The following SPATA6 variants were observed in gnomAD, a reference collection of about 807,000 sequenced individuals.
SPATA6 encodes spermatogenesis-associated protein 6.
Under a neutral mutation model 65.3 loss-of-function variants are expected in SPATA6, and 56 were observed. The observed-to-expected ratio is 0.86, with a 90% confidence interval of 0.69 to 1.07. The LOEUF (loss-of-function observed/expected upper bound fraction) is 1.07, where lower values mean the gene tolerates loss of function less well. Ranked by LOEUF, SPATA6 falls within the 50% of genes least tolerant of loss-of-function variation. SPATA6 has a pLI of 0.00. For synonymous variants in SPATA6, 199 were observed against 213.2 expected, an observed-to-expected ratio of 0.93 and a Z score of 0.58; for missense variants, 590 against 594.8, an observed-to-expected ratio of 0.99 and a Z score of 0.08.
chr1:48,262,169 A>T, the SPATA6 span: 2 of 152,170 alleles, frequency 1.3e-5, no homozygotes, highest in African/African-American at 4.8e-5. Flanking sequence ...TTTAGGAAGA[A>T]GACTGAAGTG....
the SPATA6 span, among the ~76,000 whole-genome samples, chr1:48,278,869 C>G: frequency 6.6e-6 from 1 of 152,132 alleles, no homozygotes; most frequent in Non-Finnish European, 1.5e-5. Context: ...AACTCCAAGA[C>G]ACATAATTGT....
At chr1:48,349,060 G>A (rs1189242643) in intron 11 of SPATA6, among the ~76,000 whole-genome samples, 1 of 151,864 alleles carries the variant, frequency 6.6e-6, no homozygotes, top group Admixed American at 6.6e-5. Context: ...TTTACTATAA[G>A]AGCTAAGAAT....
chr1:48,317,577 A>C (rs1332793713), intron 11 of SPATA6, among the ~76,000 whole-genome samples: 1 of 152,182 alleles, frequency 6.6e-6, no homozygotes, highest in Non-Finnish European at 1.5e-5. Context: ...ACCTAATGTT[A>C]AATGATGAGT....
chr1:48,462,132 G>A (rs1429676743), intron 1 of SPATA6, among the ~76,000 whole-genome samples: 1 of 151,900 alleles, frequency 6.6e-6, no homozygotes, highest in Admixed American at 6.6e-5. Context: ...CTCATAGATG[G>A]GAATTGAACA....
At chr1:48,272,318 T>C in the SPATA6 span, among the ~76,000 whole-genome samples, 2 of 152,134 alleles carry the variant, frequency 1.3e-5, no homozygotes, top group South Asian at 4.1e-4. Context: ...GCTGAAACTT[T>C]GTACCCTTTG....
At chr1:48,386,968 C>T (rs983155487) in intron 8 of SPATA6, among the ~76,000 whole-genome samples, 9 of 152,212 alleles carry the variant, frequency 5.9e-5, no homozygotes, top group Non-Finnish European at 1.3e-4. Flanking sequence ...CATTTTTACA[C>T]TGCCGATAAA....
At chr1:48,396,204 C>T (rs1650570782) in intron 7 of SPATA6, among the ~76,000 whole-genome samples, 1 of 151,636 alleles carries the variant, frequency 6.6e-6, no homozygotes, top group South Asian at 2.1e-4. Flanking sequence ...TAGTGACGTA[C>T]CCATTAGGAT....
chr1:48,460,902 T>A (rs1246649448), intron 1 of SPATA6, among the ~76,000 whole-genome samples: 1 of 151,750 alleles, frequency 6.6e-6, no homozygotes, highest in African/African-American at 2.4e-5. Context: ...GTTTTTTTTT[T>A]AATGTTAAAA....
intron 1 of SPATA6, among the ~76,000 whole-genome samples, chr1:48,458,816 A>AT (rs1657198586): frequency 1.3e-5 from 2 of 152,116 alleles, no homozygotes; most frequent in Admixed American, 1.3e-4. Flanking sequence ...CAGATACAGG[A>AT]TTTTTTTATA....
At chr1:48,276,998 A>ATC in the SPATA6 span, among the ~76,000 whole-genome samples, 16 of 148,904 alleles carry the variant, frequency 1.1e-4, no homozygotes, top group Middle Eastern at 0.011. Flanking sequence ...TCCTTTATGA[A>ATC]TCTCGGTGCT....
intron 3 of SPATA6, among the ~76,000 whole-genome samples, chr1:48,444,303 T>TGCACCAATCAGCACTCTGTAAAAAC (rs1164278553): frequency 6.6e-6 from 1 of 151,246 alleles, no homozygotes; most frequent in Non-Finnish European, 1.5e-5. Context: ...GGATTGTGAA[T>TGCACCAATCAGCACTCTGTAAAAAC]GCACCAATCA....
intron 5 of SPATA6, among the ~76,000 whole-genome samples, chr1:48,408,156 TC>T (rs1651879538): frequency 6.6e-6 from 1 of 152,240 alleles, no homozygotes. Context: ...ATATCATAAA[TC>T]TATAGGAGAA....
intron 5 of SPATA6, 119 bp from the exon 6 acceptor site, chr1:48,404,001 G>T: frequency 3.0e-6 from 2 of 663,432 alleles, no homozygotes; most frequent in Non-Finnish European, 2.5e-6. Context: ...TTCACTGTTA[G>T]TTTGAACTTT....
At chr1:48,335,460 G>C (rs1462028662) in intron 11 of SPATA6, among the ~76,000 whole-genome samples, 1 of 151,920 alleles carries the variant, frequency 6.6e-6, no homozygotes, top group Admixed American at 6.6e-5. Flanking sequence ...CAATAGAACA[G>C]AAGAGAGAGC....
rs1053790098 is a variant in SPATA6, at chr1:48,438,142, C to T, written c.238+13410G>A. On this transcript the variant is annotated intron_variant, in intron 3 of 12. Transcript: ENST00000371847. Reference sequence around the variant, plus strand: ...CTCTTCACAATAAATCTTGCTGCTGCTCACTCTTTGGGTCCATGCCACCTT... The same window carrying T: ...CTCTTCACAATAAATCTTGCTGCTGTTCACTCTTTGGGTCCATGCCACCTT... 2.0e-5 allele frequency among the ~76,000 whole-genome samples: 3 copies of T among 152,126 alleles called. No individual in the cohort carries two copies. In the South Asian group the frequency reaches 6.2e-4, roughly 32 times the overall value.
At chr1:48,305,542 G>GT (rs944523192) in intron 12 of SPATA6, among the ~76,000 whole-genome samples, 1 of 152,030 alleles carries the variant, frequency 6.6e-6, no homozygotes, top group Non-Finnish European at 1.5e-5. Context: ...TACACATTCT[G>GT]AAGTATGTGA....
chr1:48,471,960 A>T lies in SPATA6; in HGVS notation c.49T>A (p.Ser17Thr), dbSNP rs770359337. The T allele has an allele frequency of 6.2e-7, 1 of 1,607,092 alleles. No individual in the cohort carries two copies. The highest frequency in any genetic ancestry group is 8.5e-7 in the Non-Finnish European group (1 of 1,177,958). ...TGGGAGGCGCTACCGGTACTCACTG[A>T]GCTGATCTCCAGCGCCAGGGCGCAC... The part of the protein sequence containing the change: ...LQCALALEIS[S>T]VTCPGVVLKD... The change falls in exon 1 of 13, where the codon TCA (serine) becomes ACA (threonine). Residue 17 changes from serine (S) to threonine (T), a missense_variant and splice_region_variant. Transcript: ENST00000371847.
chr1:48,436,444 T>C, intron 3 of SPATA6: 1 of 1,607,740 alleles, frequency 6.2e-7, no homozygotes, highest in Non-Finnish European at 8.5e-7. Context: ...GAGTGAAACT[T>C]TAATAAGAAA....
chr1:48,341,495 G>A (rs1346506129), intron 11 of SPATA6, among the ~76,000 whole-genome samples: 4 of 152,116 alleles, frequency 2.6e-5, no homozygotes, highest in African/African-American at 4.8e-5. Flanking sequence ...CTATCAGATT[G>A]ACTGTGGTAG....
Sources: allele counts gnomAD v4.1 joint callset (sites outside exome capture counted in the v4.1 genomes callset), GRCh38; gene constraint gnomAD v4.1.1; transcripts MANE v1.5; gene names NCBI Gene and HGNC (gene_info 2026-07-23, HGNC 2026-07-21).